NAA30: variants seen among roughly 807,000 people sequenced by gnomAD.
NAA30 encodes N-alpha-acetyltransferase 30.
In NAA30, 5 loss-of-function variants were observed where a neutral mutation model predicts 31.4. That is an observed-to-expected ratio of 0.16 (90% CI 0.08 to 0.33). NAA30 has a LOEUF of 0.33. Ranked by LOEUF, NAA30 falls within the 10% of genes least tolerant of loss-of-function variation. The pLI is 1.00. For synonymous variants in NAA30, 222 were observed against 207.1 expected (o/e 1.07, Z -0.62); for missense variants, 428 against 490.8 (o/e 0.87, Z 1.21).
intron 4 of NAA30, among the ~76,000 whole-genome samples, chr14:57,401,340 G>A (rs1038753070): frequency 3.9e-5 from 6 of 152,256 alleles, no homozygotes; most frequent in Middle Eastern, 6.8e-3. Flanking sequence ...GTCATCCTGG[G>A]ATTTAAAAAT....
At chr14:57,392,032 T>G (rs1258872429) in intron 2 of NAA30, among the ~76,000 whole-genome samples, 1 of 152,214 alleles carries the variant, frequency 6.6e-6, no homozygotes, top group East Asian at 1.9e-4. Context: ...CCGTCTTTAA[T>G]TACCCGCCCG....
intron 1 of NAA30, 32 bp downstream of exon 1, chr14:57,390,737 G>C (rs1000264761): frequency 1.4e-5 from 6 of 444,230 alleles, no homozygotes; most frequent in African/African-American, 2.1e-5. Context: ...CGAGTGACAG[G>C]GCTGGCGGGT....
chr14:57,399,072 A>C (rs1183205854), intron 3 of NAA30, among the ~76,000 whole-genome samples: 2 of 152,098 alleles, frequency 1.3e-5, no homozygotes, highest in Non-Finnish European at 1.5e-5. Context: ...CATGTTGGCC[A>C]GGCTGGTCTT....
chr14:57,396,941 T>C, intron 3 of NAA30, 66 bp downstream of exon 3: 1 of 1,497,026 alleles, frequency 6.7e-7, no homozygotes, highest in South Asian at 1.2e-5. Context: ...TGTTTTGAAA[T>C]AAAAGACTTA....
At chr14:57,404,964 C>T (rs1416408167) in intron 4 of NAA30, among the ~76,000 whole-genome samples, 1 of 152,070 alleles carries the variant, frequency 6.6e-6, no homozygotes. Flanking sequence ...TCTTTCCATT[C>T]TTTTTTTGTT....
Position 57,391,363 on chromosome 14 carries a change from G to A in NAA30, c.406G>A (p.Glu136Lys). The A allele has an allele frequency of 6.2e-7, 1 of 1,611,596 alleles. No homozygotes were observed. The highest frequency in any genetic ancestry group is 8.5e-7 in the Non-Finnish European group (1 of 1,179,440). The change falls in exon 2 of 5, where the codon GAG becomes AAG. Residue 136 changes from glutamate to lysine, a missense_variant. By Grantham distance (56) the Glu-to-Lys change is moderately conservative. This residue lies in a region of NAA30 where 349 missense variants were observed against 310.4 expected (regional missense o/e 1.12). Coordinates refer to ENST00000556492, the MANE Select transcript of NAA30 (RefSeq NM_001011713.3). This position sits in a 1 kb window ranked among gnomAD's most constrained non-coding sequence, Gnocchi z 4.1. ...ATKGAGVHSG[E>K]RPPHSLSSNA... is the part of the protein sequence containing the mutation. Reference sequence around the variant, plus strand: ...AAAAGGAGCCGGGGTACACTCGGGCGAGAGGCCCCCTCACTCCCTCTCTAG... The same window carrying A: ...AAAAGGAGCCGGGGTACACTCGGGCAAGAGGCCCCCTCACTCCCTCTCTAG...
intron 4 of NAA30, among the ~76,000 whole-genome samples, chr14:57,402,372 C>G (rs1008707100): frequency 6.6e-6 from 1 of 152,210 alleles, no homozygotes; most frequent in African/African-American, 2.4e-5. Flanking sequence ...TTGCTGTATT[C>G]TTAGTGCTTA....
In NAA30 at chr14:57,413,880, T is replaced by C. The variant is rs564947866; in HGVS notation, c.*4364T>C. The C allele has an allele frequency of 1.3e-5, 2 of 152,374 alleles. No individual in the cohort carries two copies. The highest frequency in any genetic ancestry group is 4.1e-4 in the South Asian group (2 of 4,832). The allele number at this position is 152,374 out of a possible 1,614,324, so 9.4% of individuals were successfully genotyped here. On this transcript the variant is annotated 3_prime_UTR_variant, in exon 5 of 5. Transcript: ENST00000556492. ...GCACTGCTACACTTTAGATCACTAC[T>C]GTCCAGTCACACTTTATATAAGGAT...
In NAA30 at chr14:57,399,819, A is replaced by G. The variant is rs1440543441; in HGVS notation, c.896-9A>G. On this transcript the variant is annotated splice_polypyrimidine_tract_variant and intron_variant, in intron 3 of 4. Transcript: ENST00000556492. ...TTTTCCTTCATTAATACTCAGATCT[A>G]TATTCTAGGTACTAACTTGGTTAAG... 3 of 1,407,386 alleles carry G rather than the reference A, an allele frequency of 2.1e-6. No homozygotes were observed. The highest frequency in any genetic ancestry group is 3.0e-6 in the Non-Finnish European group (3 of 997,980). The allele number at this position is 1,407,386 out of a possible 1,614,324, so 87.2% of individuals were successfully genotyped here. A position where few individuals can be genotyped will look rare whatever the true frequency, so the allele number is the denominator to read the frequency against.
In NAA30 at chr14:57,409,615, C is replaced by T. The variant is rs539120878; in HGVS notation, c.*99C>T. 83 of 1,203,312 alleles carry T rather than the reference C, an allele frequency of 6.9e-5. No individual in the cohort carries two copies. The South Asian group carries it at 1.1e-3, about 15-fold the overall frequency. The allele number at this position is 1,203,312 out of a possible 1,614,324, so 74.5% of individuals were successfully genotyped here. ...GCTTTGCAGGTGGATTTAGTAATTT[C>T]CATGCAGCTCTTACCTGTCAGTGTC... On this transcript the variant is annotated 3_prime_UTR_variant, in exon 5 of 5. Transcript: ENST00000556492.
chr14:57,409,613 T>A lies in NAA30; in HGVS notation c.*97T>A, dbSNP rs1453117121. ...TTGCTTTGCAGGTGGATTTAGTAAT[T>A]TCCATGCAGCTCTTACCTGTCAGTG... On this transcript the variant is annotated 3_prime_UTR_variant, in exon 5 of 5. Transcript: ENST00000556492. The A allele has an allele frequency of 1.0e-5, 13 of 1,249,070 alleles. No homozygotes were observed. The highest frequency in any genetic ancestry group is 1.4e-5 in the Non-Finnish European group (13 of 924,746). 77.4% of individuals were successfully genotyped at this position (1,249,070 alleles called of 1,614,324 possible). A position where few individuals can be genotyped will look rare whatever the true frequency, so the allele number is the denominator to read the frequency against.
rs953601589 is a variant in NAA30, at chr14:57,411,685, A to C, written c.*2169A>C. ...GTGACTAAAAAGTCAGATGGTTGCC[A>C]TATTGTTTGGAATATGTTGAATGTC... On this transcript the variant is annotated 3_prime_UTR_variant, in exon 5 of 5. Coordinates refer to ENST00000556492, the MANE Select transcript of NAA30 (RefSeq NM_001011713.3). 1 of 152,196 alleles carries C rather than the reference A, an allele frequency of 6.6e-6. No individual in the cohort carries two copies. The highest frequency in any genetic ancestry group is 2.4e-5 in the African/African-American group (1 of 41,454). The allele number at this position is 152,196 out of a possible 1,614,324, so 9.4% of individuals were successfully genotyped here.
At chr14:57,390,810 G>A in intron 1 of NAA30, 105 bp downstream of exon 1, 2 of 733,968 alleles carry the variant, frequency 2.7e-6, no homozygotes, top group Non-Finnish European at 2.0e-6. Flanking sequence ...GAGCGGGGGG[G>A]TGGCGGGGAA....
chr14:57,412,172 G>C lies in NAA30; in HGVS notation c.*2656G>C, dbSNP rs1184449865. 6.6e-6 allele frequency: 1 copy of C among 152,076 alleles called. No individual in the cohort carries two copies. The highest frequency in any genetic ancestry group is 1.5e-5 in the Non-Finnish European group (1 of 67,988). The allele number at this position is 152,076 out of a possible 1,614,324, so 9.4% of individuals were successfully genotyped here. ...ATTGGGATGAAACTACTTTAGCAAAGTCCACAGATCAGAAACCAGACGGTA... is the reference window on the plus strand; with the variant it reads ...ATTGGGATGAAACTACTTTAGCAAACTCCACAGATCAGAAACCAGACGGTA... On this transcript the variant is annotated 3_prime_UTR_variant, in exon 5 of 5. Transcript: ENST00000556492.
chr14:57,405,791 G>A (rs1186924976), intron 4 of NAA30, among the ~76,000 whole-genome samples: 1 of 152,192 alleles, frequency 6.6e-6, no homozygotes, highest in Non-Finnish European at 1.5e-5. Context: ...TTCTAGCAGT[G>A]AACAAGCCTG....
In NAA30 at chr14:57,390,882, C is replaced by T. The variant is rs182019048; in HGVS notation, c.-1-75C>T. 6,656 of 1,422,768 alleles carry T rather than the reference C, an allele frequency of 4.7e-3. 25 individuals are homozygous for T. Among genetic ancestry groups the T allele is most frequent in the Non-Finnish European group, 5.3e-3 (5,729 of 1,091,194 alleles). The allele number at this position is 1,422,768 out of a possible 1,614,324, so 88.1% of individuals were successfully genotyped here. ...TGTTCCCCCCACCTCGGCCGCCCCC[C>T]ATCCGTCGCCCCCTGTTCTCCGCGC... On this transcript the variant is annotated intron_variant, in intron 1 of 4. Coordinates refer to ENST00000556492, the MANE Select transcript of NAA30 (RefSeq NM_001011713.3).
At chr14:57,405,437 A>AT (rs2066494778) in intron 4 of NAA30, among the ~76,000 whole-genome samples, 5 of 149,942 alleles carry the variant, frequency 3.3e-5, no homozygotes, top group African/African-American at 7.3e-5. Flanking sequence ...ATATATATAT[A>AT]AAACATCTTT....
chr14:57,398,640 A>AT lies in NAA30; in HGVS notation c.896-1186dup, dbSNP rs1437326835. Reference sequence around the variant, plus strand: ...ACCCAGCTGATTTATTTTTTTTATTATTATTTTTTTTTGAGATAGTCTCAC... The same window carrying AT: ...ACCCAGCTGATTTATTTTTTTTATTATTTATTTTTTTTTGAGATAGTCTCAC... On this transcript the variant is annotated intron_variant, in intron 3 of 4. Coordinates refer to ENST00000556492, the MANE Select transcript of NAA30 (RefSeq NM_001011713.3). 3.2e-4 allele frequency among the ~76,000 whole-genome samples: 20 copies of AT among 61,906 alleles called. No individual in the cohort carries two copies. The Admixed American group carries it at 4.2e-3, about 13-fold the overall frequency. 40.6% of individuals were successfully genotyped at this position (61,906 alleles called of 152,430 possible).
At chr14:57,407,995 A>G (rs2066506589) in intron 4 of NAA30, among the ~76,000 whole-genome samples, 1 of 152,180 alleles carries the variant, frequency 6.6e-6, no homozygotes, top group African/African-American at 2.4e-5. Flanking sequence ...GGTTTGAGGC[A>G]TTGGTGTGGT....
Sources: allele counts gnomAD v4.1 joint callset (sites outside exome capture counted in the v4.1 genomes callset), GRCh38; gene constraint gnomAD v4.1.1; regional missense constraint gnomAD v4.1.1; non-coding constraint Gnocchi (gnomAD v3.1); transcripts MANE v1.5; gene names NCBI Gene and HGNC (gene_info 2026-07-23, HGNC 2026-07-21).